Variants in FRMD1 observed in about 807,000 individuals in gnomAD.
FRMD1 encodes the protein FERM domain containing 1, also known as FERM domain-containing protein 1.
A neutral mutation model predicts 54.9 loss-of-function variants in FRMD1; 51 were observed. The observed-to-expected ratio is 0.93, with a 90% CI of 0.74 to 1.17. The LOEUF (loss-of-function observed/expected upper bound fraction) is 1.17, where lower values mean the gene tolerates loss of function less well. FRMD1 is among the 50% of genes most tolerant of loss of function. FRMD1 has a pLI of 0.00. For missense variants in FRMD1, 729 were observed against 743.0 expected (o/e 0.98, Z 0.22); for synonymous variants, 324 against 306.4 (o/e 1.06, Z -0.60).
intron 9 of FRMD1, among the ~76,000 whole-genome samples, chr6:168,060,391 CA>C (rs1416656323): frequency 1.5e-5 from 2 of 129,638 alleles, no homozygotes; most frequent in Non-Finnish European, 3.4e-5. Context: ...TCCTAGGGGC[CA>C]GGGGCTTCCT....
chr6:168,060,546 G>A (rs1799666555), intron 9 of FRMD1, among the ~76,000 whole-genome samples: 1 of 152,180 alleles, frequency 6.6e-6, no homozygotes, highest in Non-Finnish European at 1.5e-5. Context: ...CTCGGGCACA[G>A]CAGGCTGCAG....
intron 2 of FRMD1, among the ~76,000 whole-genome samples, chr6:168,067,935 C>T (rs887189898): frequency 7.4e-6 from 1 of 134,646 alleles, no homozygotes; most frequent in Non-Finnish European, 1.6e-5. Context: ...CATAATGAGA[C>T]CTTGTCACCA....
At chr6:168,082,011 G>C (rs938094766), upstream of FRMD1, 3 of 154,082 alleles carry the variant, frequency 1.9e-5, no homozygotes, top group African/African-American at 7.2e-5. Context: ...TGCGCCATAG[G>C]TCAACCCATT....
At position 168,062,632 on chromosome 6, in the gene FRMD1, C is replaced by T. The variant is rs777990958; in HGVS notation, c.870+262G>A. On this transcript the variant is annotated intron_variant, in intron 7 of 10. Coordinates refer to ENST00000283309, the MANE Select transcript of FRMD1 (RefSeq NM_024919.6). ...GCCCCGAGGATGAAGCTGCATCTGCCCAGGCTTTCCAGGGCACGGGGACCC... is the reference window on the plus strand; with the variant it reads ...GCCCCGAGGATGAAGCTGCATCTGCTCAGGCTTTCCAGGGCACGGGGACCC... 4.5e-6 allele frequency: 7 copies of T among 1,539,402 alleles called. No individual in the cohort carries two copies. The South Asian group carries it at 7.2e-5, about 16-fold the overall frequency.
intron 2 of FRMD1, among the ~76,000 whole-genome samples, chr6:168,074,060 C>G (rs1257524411): frequency 6.6e-6 from 1 of 152,110 alleles, no homozygotes; most frequent in Non-Finnish European, 1.5e-5. Flanking sequence ...ACCTCAAGCC[C>G]CCACTATAGA....
Position 168,056,429 on chromosome 6 carries a change from G to T in FRMD1, c.*668C>A, listed in dbSNP as rs2114936900. On this transcript the variant is annotated 3_prime_UTR_variant, in exon 11 of 11. Transcript: ENST00000283309. ...GGAGCAGAGTCGGCTTCAGCTCCGG[G>T]GCAGTGGGGTCTTTGGAAGCCCTGG... 6.6e-6 allele frequency: 1 copy of T among 152,636 alleles called. No homozygotes were observed. Among genetic ancestry groups the T allele is most frequent in the East Asian group, 1.9e-4 (1 of 5,186 alleles). The allele number at this position is 152,636 out of a possible 1,614,324, so 9.5% of individuals were successfully genotyped here.
chr6:168,084,566 G>C (rs1800886978), upstream of FRMD1, among the ~76,000 whole-genome samples: 1 of 152,186 alleles, frequency 6.6e-6, no homozygotes, highest in Non-Finnish European at 1.5e-5. Flanking sequence ...GAGGTGCATT[G>C]AGCTTGGTCC....
intron 1 of FRMD1, among the ~76,000 whole-genome samples, chr6:168,087,525 G>A (rs1800941803): frequency 6.6e-6 from 1 of 152,354 alleles, no homozygotes; most frequent in Middle Eastern, 3.4e-3. Flanking sequence ...GCCGCACATC[G>A]TGAGACGGCT....
At chr6:168,057,426 A>T in intron 10 of FRMD1, 87 bp from the exon 11 acceptor site, 1 of 1,547,376 alleles carries the variant, frequency 6.5e-7, no homozygotes, top group South Asian at 1.2e-5. Flanking sequence ...GTGGCCACAG[A>T]GCCACACTCC....
chr6:168,057,392 C>T, intron 10 of FRMD1, 53 bp from the exon 11 acceptor site: 1 of 1,584,034 alleles, frequency 6.3e-7, no homozygotes, highest in South Asian at 1.1e-5. Flanking sequence ...ACTCCCACCA[C>T]CGCACACGGC....
intron 5 of FRMD1, among the ~76,000 whole-genome samples, chr6:168,064,355 C>A (rs963032542): frequency 6.6e-6 from 1 of 152,212 alleles, no homozygotes. Flanking sequence ...CATCAATCCG[C>A]GCGGCCATCA....
chr6:168,074,220 G>A (rs907878503), intron 2 of FRMD1, among the ~76,000 whole-genome samples: 8 of 152,074 alleles, frequency 5.3e-5, no homozygotes, highest in African/African-American at 1.7e-4. Context: ...CCAGGGGACC[G>A]GCCCCACTCC....
At position 168,059,859 on chromosome 6, in the gene FRMD1, C is replaced by T. The variant is rs1277126127; in HGVS notation, c.1343-671G>A. Among the ~76,000 whole-genome samples, 3 of 152,064 alleles carry T rather than the reference C, an allele frequency of 2.0e-5. No homozygotes were observed. The highest frequency in any genetic ancestry group is 4.8e-5 in the African/African-American group (2 of 41,400). ...GTGCATCCCTCAGGACAAGGTGCTG[C>T]GTCCTGGGCCAGGTGGACACATGGT... On this transcript the variant is annotated intron_variant, in intron 9 of 10. Transcript: ENST00000283309. This position sits in a 1 kb window ranked among gnomAD's most constrained non-coding sequence, Gnocchi z 4.4.
At chr6:168,076,603 C>T (rs1423943799) in intron 1 of FRMD1, among the ~76,000 whole-genome samples, 2 of 152,206 alleles carry the variant, frequency 1.3e-5, no homozygotes, top group Non-Finnish European at 2.9e-5. Flanking sequence ...TGAAGAGGTG[C>T]CTTCTGCCAT....
At chr6:168,073,835 G>A (rs1284999833) in intron 2 of FRMD1, among the ~76,000 whole-genome samples, 1 of 152,080 alleles carries the variant, frequency 6.6e-6, no homozygotes, top group African/African-American at 2.4e-5. Flanking sequence ...TCCCGTGCAG[G>A]GTCCCCGGCT....
At chr6:168,079,821 G>T (rs1032496446), upstream of FRMD1, among the ~76,000 whole-genome samples, 1 of 152,206 alleles carries the variant, frequency 6.6e-6, no homozygotes, top group Non-Finnish European at 1.5e-5. Flanking sequence ...GCATCAGCAC[G>T]AGGGGTGGGG....
upstream of FRMD1, among the ~76,000 whole-genome samples, chr6:168,080,190 G>A (rs759901163): frequency 1.6e-4 from 25 of 152,056 alleles, no homozygotes; most frequent in Non-Finnish European, 3.2e-4. Context: ...CACTCCAGCC[G>A]CCCTAAGGCC....
At chr6:168,077,799 C>A (rs1199796948) in intron 1 of FRMD1, among the ~76,000 whole-genome samples, 1 of 152,244 alleles carries the variant, frequency 6.6e-6, no homozygotes, top group Non-Finnish European at 1.5e-5. Context: ...GCCCCAGCAT[C>A]TTCCCCACAA....
chr6:168,090,314 C>T lies in FRMD1; in HGVS notation c.-12+11111G>A, dbSNP rs542716091. On this transcript the variant is annotated intron_variant, in intron 1 of 12. Coordinates refer to the FRMD1 transcript ENST00000644440. Reference sequence around the variant, plus strand: ...CCCACAGACGGCTCCCACCTCCCTCCTGAGCAGCTAGAGGCCTGAGAACCA... The same window carrying T: ...CCCACAGACGGCTCCCACCTCCCTCTTGAGCAGCTAGAGGCCTGAGAACCA... Among the ~76,000 whole-genome samples, 4 of 152,342 alleles carry T rather than the reference C, an allele frequency of 2.6e-5. No homozygotes were observed. The East Asian group carries it at 7.7e-4, about 29-fold the overall frequency.
Sources: gnomAD v4.1 joint callset for allele counts (sites outside exome capture counted in the v4.1 genomes callset) on GRCh38, gnomAD v4.1.1 for gene constraint, Gnocchi (gnomAD v3.1) non-coding constraint, MANE v1.5 for transcripts, NCBI Gene and HGNC (gene_info 2026-07-23, HGNC 2026-07-21) for gene names.